ZNF510: variants seen among roughly 807,000 people sequenced by gnomAD.
ZNF510 encodes the protein zinc finger protein 510.
Under a neutral mutation model 18.1 loss-of-function variants are expected in ZNF510, and 15 were observed. That is an observed-to-expected ratio of 0.83 (90% CI 0.55 to 1.28). ZNF510 has a LOEUF of 1.28. Among genes scored for constraint, ZNF510 ranks in the 50% most tolerant of loss-of-function variants. ZNF510 has a pLI of 0.00. For synonymous variants in ZNF510, 261 were observed against 266.4 expected (o/e 0.98, Z 0.20); for missense variants, 724 against 791.8 (o/e 0.91, Z 1.03).
At position 96,765,811 on chromosome 9, in the gene ZNF510, G is replaced by A. The variant is rs116046356; in HGVS notation, c.130-2179C>T. ...CAGACGTGAGCCACTGCGCCTGGCC[G>A]ATGATTTCACTTTTTAAATGGCCTA... On this transcript the variant is annotated intron_variant, in intron 3 of 5. Transcript: ENST00000223428. 2.8e-3 allele frequency among the ~76,000 whole-genome samples: 421 copies of A among 152,054 alleles called. 1 individual carries two copies. The highest frequency in any genetic ancestry group is 8.9e-3 in the African/African-American group (369 of 41,486).
intron 3 of ZNF510, among the ~76,000 whole-genome samples, chr9:96,767,512 T>C (rs1416908701): frequency 6.6e-6 from 1 of 151,968 alleles, no homozygotes; most frequent in Non-Finnish European, 1.5e-5. Context: ...AGTATCCTAA[T>C]TGTATACTTT....
In ZNF510 at chr9:96,756,328, G is replaced by C. The variant is rs780314511; in HGVS notation, c.*2450C>G. ...TGGGTTTGTTAATGGCACTGAGTTT[G>C]AACACACACAGGATCCTAGTAGTTT... On this transcript the variant is annotated 3_prime_UTR_variant, in exon 6 of 6. Coordinates refer to ENST00000223428, the MANE Select transcript of ZNF510 (RefSeq NM_014930.3). The C allele has an allele frequency of 2.8e-4, 43 of 152,144 alleles. No individual in the cohort carries two copies. The highest frequency in any genetic ancestry group is 5.7e-4 in the Non-Finnish European group (39 of 68,042). The allele number at this position is 152,144 out of a possible 1,614,324, so 9.4% of individuals were successfully genotyped here.
rs1184429087 is a variant in ZNF510 at position 96,756,073 on chromosome 9, A to T, written c.*2705T>A. ...CAGAAAATAGTCTCTTATTATGGGC[A>T]TCTACTTGAGCAACCCAGATGGTTG... On this transcript the variant is annotated 3_prime_UTR_variant, in exon 6 of 6. Transcript: ENST00000223428. 1 of 152,162 alleles carries T rather than the reference A, an allele frequency of 6.6e-6. No homozygotes were observed. The highest frequency in any genetic ancestry group is 1.5e-5 in the Non-Finnish European group (1 of 68,022). The allele number at this position is 152,162 out of a possible 1,614,324, so 9.4% of individuals were successfully genotyped here.
intron 3 of ZNF510, among the ~76,000 whole-genome samples, chr9:96,772,003 A>AC (rs1438996960): frequency 1.1e-4 from 17 of 152,332 alleles, no homozygotes; most frequent in African/African-American, 3.8e-4. Context: ...AAAATAGTAA[A>AC]TAAATTCACA....
At position 96,755,232 on chromosome 9, in the gene ZNF510, C is replaced by T. The variant is rs1411245820; in HGVS notation, c.*3546G>A. Among the ~76,000 whole-genome samples the T allele has an allele frequency of 6.6e-6, 1 of 152,188 alleles. No homozygotes were observed. The highest frequency in any genetic ancestry group is 1.9e-4 in the East Asian group (1 of 5,192). ...CTTAATACCAAACCCAGTCATAATC[C>T]TCAAATATCCTATTTAAAAGGGGCA... is the stretch of plus-strand genomic sequence containing the variant. On this transcript the variant is annotated 3_prime_UTR_variant, in exon 6 of 6. Coordinates refer to ENST00000223428, the MANE Select transcript of ZNF510 (RefSeq NM_014930.3).
In ZNF510 at chr9:96,758,476, C is replaced by T. The variant is rs1255420396; in HGVS notation, c.*302G>A. 1 of 259,108 alleles carries T rather than the reference C, an allele frequency of 3.9e-6. No homozygotes were observed. Among genetic ancestry groups the T allele is most frequent in the Non-Finnish European group, 7.3e-6 (1 of 136,480 alleles). 16.1% of individuals were successfully genotyped at this position (259,108 alleles called of 1,614,324 possible). Reference sequence around the variant, plus strand: ...GAAATTGGTGCTGGTGAAGAGATTACCAGCCTGTGTGATGTGTGGGAGCTA... The same window carrying T: ...GAAATTGGTGCTGGTGAAGAGATTATCAGCCTGTGTGATGTGTGGGAGCTA... On this transcript the variant is annotated 3_prime_UTR_variant, in exon 6 of 6. Coordinates refer to ENST00000223428, the MANE Select transcript of ZNF510 (RefSeq NM_014930.3).
intron 1 of ZNF510, 37 bp from the exon 2 acceptor site, chr9:96,776,282 G>C: frequency 1.2e-6 from 1 of 855,156 alleles, no homozygotes; most frequent in Non-Finnish European, 1.7e-6. Context: ...CAGAGAAGCT[G>C]GGGCTGATGC....
Position 96,759,104 on chromosome 9 carries a change from C to G in ZNF510, c.1726G>C (p.Glu576Gln), listed in dbSNP as rs373622527. Residue 576 changes from glutamate (E) to glutamine (Q), a missense_variant, in exon 6 of 6, where the codon GAA becomes CAA. Coordinates refer to ENST00000223428, the MANE Select transcript of ZNF510 (RefSeq NM_014930.3). Reference sequence around the variant, plus strand: ...GTCCGGGCAAAAGTTTTCCCACATTCGTTACATTTGAATGGTTTCTCTCCC... The same window carrying G: ...GTCCGGGCAAAAGTTTTCCCACATTGGTTACATTTGAATGGTTTCTCTCCC... The part of the protein sequence containing the change: ...HTGEKPFKCN[E>Q]CGKTFARTST... 10 of 1,614,030 alleles carry G rather than the reference C, an allele frequency of 6.2e-6. No individual in the cohort carries two copies. The highest frequency in any genetic ancestry group is 8.5e-6 in the Non-Finnish European group (10 of 1,179,978).
At chr9:96,765,361 A>G (rs998460612) in intron 3 of ZNF510, among the ~76,000 whole-genome samples, 4 of 152,188 alleles carry the variant, frequency 2.6e-5, no homozygotes, top group Non-Finnish European at 2.9e-5. Flanking sequence ...AAGGTAAAAA[A>G]TTTGAATTGC....
chr9:96,763,712 C>T, intron 3 of ZNF510, 80 bp from the exon 4 acceptor site: 1 of 1,364,204 alleles, frequency 7.3e-7, no homozygotes, highest in Non-Finnish European at 9.8e-7. Flanking sequence ...CAATTCTTAT[C>T]AGGTTTAACT....
In ZNF510 at chr9:96,758,900, T is replaced by C; in HGVS notation, c.1930A>G (p.Arg644Gly). Residue 644 changes from arginine to glycine, a missense_variant, in exon 6 of 6, where the codon AGA becomes GGA. Arg to Gly is a moderately radical substitution (Grantham distance 125, BLOSUM62 -2). Coordinates refer to ENST00000223428, the MANE Select transcript of ZNF510 (RefSeq NM_014930.3). Reference sequence around the variant, plus strand: ...CCACTGTGAGTCCTTTGATGTATTCTGAGGTTTGATTTCTGGCCAAAAGTT... The same window carrying C: ...CCACTGTGAGTCCTTTGATGTATTCCGAGGTTTGATTTCTGGCCAAAAGTT... The part of the protein sequence containing the change: ...GKTFGQKSNL[R>G]IHQRTHSGEK... 1 of 1,614,134 alleles carries C rather than the reference T, an allele frequency of 6.2e-7. No homozygotes were observed. Among genetic ancestry groups the C allele is most frequent in the Non-Finnish European group, 8.5e-7 (1 of 1,179,986 alleles).
At position 96,756,915 on chromosome 9, in the gene ZNF510, A is replaced by G. The variant is rs1042395209; in HGVS notation, c.*1863T>C. 6.6e-6 allele frequency: 1 copy of G among 152,262 alleles called. No individual in the cohort carries two copies. Among genetic ancestry groups the G allele is most frequent in the Non-Finnish European group, 1.5e-5 (1 of 68,048 alleles). The allele number at this position is 152,262 out of a possible 1,614,324, so 9.4% of individuals were successfully genotyped here. On this transcript the variant is annotated 3_prime_UTR_variant, in exon 6 of 6. Transcript: ENST00000223428. Reference sequence around the variant, plus strand: ...ATTCCTGATTAGAATTCTATGACTTATGCGAATTACAGGGAATTAGAATTC... The same window carrying G: ...ATTCCTGATTAGAATTCTATGACTTGTGCGAATTACAGGGAATTAGAATTC...
chr9:96,763,832 A>C (rs961101916), intron 3 of ZNF510, 200 bp from the exon 4 acceptor site: 12 of 472,510 alleles, frequency 2.5e-5, no homozygotes, highest in Non-Finnish European at 4.2e-5. Flanking sequence ...GCAGTGGCTC[A>C]TGCCTGTAAT....
rs978969190 is a variant in ZNF510 at position 96,759,838 on chromosome 9, A to G, written c.992T>C (p.Met331Thr). ...ATTTAATTCATAATGTTTTATACCCATATTAAGTTTATTATATTCCTCCAC... is the reference window on the plus strand; with the variant it reads ...ATTTAATTCATAATGTTTTATACCCGTATTAAGTTTATTATATTCCTCCAC... ...STVEEYNKLNMGIKHYELNPS... is the reference protein window; with the variant it reads ...STVEEYNKLNTGIKHYELNPS... The change falls in exon 6 of 6, where the codon ATG becomes ACG. Residue 331 changes from methionine to threonine, a missense_variant. Met to Thr is a moderately conservative substitution (Grantham distance 81). Coordinates refer to ENST00000223428, the MANE Select transcript of ZNF510 (RefSeq NM_014930.3). The G allele has an allele frequency of 6.2e-7, 1 of 1,613,600 alleles. No individual in the cohort carries two copies. Among genetic ancestry groups the G allele is most frequent in the Admixed American group, 1.7e-5 (1 of 60,000 alleles).
At chr9:96,764,733 T>C (rs914309647) in intron 3 of ZNF510, among the ~76,000 whole-genome samples, 1 of 152,192 alleles carries the variant, frequency 6.6e-6, no homozygotes, top group Non-Finnish European at 1.5e-5. Flanking sequence ...TGGAAAAAGA[T>C]ATACCATATA....
At chr9:96,775,674 G>A (rs758824105) in intron 2 of ZNF510, among the ~76,000 whole-genome samples, 4 of 152,070 alleles carry the variant, frequency 2.6e-5, no homozygotes, top group Admixed American at 6.5e-5. Flanking sequence ...TTCATCCTAG[G>A]TTCAATACTT....
chr9:96,771,447 T>TAAAAAAA (rs1849583133), intron 3 of ZNF510, among the ~76,000 whole-genome samples: 6 of 144,284 alleles, frequency 4.2e-5, no homozygotes, highest in African/African-American at 1.6e-4. Context: ...AAAAAAAAAC[T>TAAAAAAA]CAGGAAACTA....
rs1588126084 is a variant in ZNF510, at chr9:96,760,408, A to G, written c.422T>C (p.Ile141Thr). The change falls in exon 6 of 6, where the codon ATA becomes ACA. Residue 141 changes from isoleucine (I) to threonine (T), a missense_variant. Transcript: ENST00000223428. The part of the protein sequence containing the change: ...KIKDKHLEQA[I>T]CINNKTLTTE... ...AGTCAATGTTTTATTATTGATACAT[A>G]TTGCTTGCTCCAAGTGTTTGTCTTT... is the stretch of plus-strand genomic sequence containing the variant. 6 of 1,613,498 alleles carry G rather than the reference A, an allele frequency of 3.7e-6. No individual in the cohort carries two copies. The highest frequency in any genetic ancestry group is 5.1e-6 in the Non-Finnish European group (6 of 1,179,754).
At chr9:96,763,387 T>G (rs896907884) in intron 4 of ZNF510, 119 bp downstream of exon 4, 21 of 1,376,446 alleles carry the variant, frequency 1.5e-5, no homozygotes, top group African/African-American at 5.8e-5. Context: ...TACTTTGGAA[T>G]CCTGAATGAA....
Sources: gnomAD v4.1 joint callset for allele counts (sites outside exome capture counted in the v4.1 genomes callset) on GRCh38, gnomAD v4.1.1 for gene constraint, MANE v1.5 for transcripts, NCBI Gene and HGNC (gene_info 2026-07-23, HGNC 2026-07-21) for gene names.